Variants in GPHN observed in about 807,000 individuals in gnomAD.
GPHN encodes the protein gephyrin.
GPHN carries 17 observed loss-of-function variants against 95.5 expected under a neutral mutation model. That is an observed-to-expected ratio of 0.18 (90% confidence interval 0.12 to 0.27). GPHN has a LOEUF of 0.27. Among genes scored for constraint, GPHN ranks in the 10% least tolerant of loss-of-function variants. The pLI is 1.00. For synonymous variants in GPHN, 320 were observed against 322.5 expected (o/e 0.99, Z 0.08); for missense variants, 660 against 978.1 (o/e 0.67, Z 4.34).
At chr14:67,312,310 G>A in the GPHN span, 2 of 323,986 alleles carry the variant, frequency 6.2e-6, no homozygotes, top group Non-Finnish European at 5.5e-6. Context: ...AAGTGCAGTG[G>A]CTCACACCTA....
the GPHN span, among the ~76,000 whole-genome samples, chr14:67,245,306 T>G: frequency 6.6e-6 from 1 of 152,182 alleles, no homozygotes; most frequent in South Asian, 2.1e-4. Context: ...TACATTCCTG[T>G]CAGCACTTGG....
At chr14:67,006,619 T>C (rs1186656669) in intron 9 of GPHN, among the ~76,000 whole-genome samples, 1 of 152,174 alleles carries the variant, frequency 6.6e-6, no homozygotes, top group Non-Finnish European at 1.5e-5. Context: ...GGTGAACTTC[T>C]GTGTAATGCT....
At chr14:67,045,729 C>G (rs2074983640) in intron 10 of GPHN, among the ~76,000 whole-genome samples, 1 of 151,640 alleles carries the variant, frequency 6.6e-6, no homozygotes, top group Non-Finnish European at 1.5e-5. Flanking sequence ...CTGTCTGTCT[C>G]TCTCTCTCTG....
At chr14:67,483,492 G>A in the GPHN span, among the ~76,000 whole-genome samples, 1 of 152,210 alleles carries the variant, frequency 6.6e-6, no homozygotes, top group Admixed American at 6.5e-5. Context: ...TATGTGGAGA[G>A]ACAACAGGAA....
the GPHN span, among the ~76,000 whole-genome samples, chr14:67,568,323 C>G: frequency 6.6e-6 from 1 of 151,682 alleles, no homozygotes; most frequent in Admixed American, 6.6e-5. Flanking sequence ...AAGCCATTAT[C>G]TTCAGCAAAC....
At chr14:67,278,702 C>T in the GPHN span, among the ~76,000 whole-genome samples, 1 of 152,184 alleles carries the variant, frequency 6.6e-6, no homozygotes, top group Non-Finnish European at 1.5e-5. Context: ...AAGCAAGCAA[C>T]GTGTTCTCTA....
chr14:67,585,758 C>T, the GPHN span: 23 of 1,007,630 alleles, frequency 2.3e-5, no homozygotes, highest in Non-Finnish European at 3.1e-5. Context: ...CCATGGCTGC[C>T]CTACCCCCAC....
At chr14:67,435,658 AT>A in the GPHN span, among the ~76,000 whole-genome samples, 1 of 152,234 alleles carries the variant, frequency 6.6e-6, no homozygotes. Flanking sequence ...CCTACAAAGA[AT>A]CTCCAGAACG....
At chr14:66,709,333 A>G (rs907130244) in intron 2 of GPHN, 2 of 455,904 alleles carry the variant, frequency 4.4e-6, no homozygotes, top group South Asian at 1.5e-5. Flanking sequence ...TTAAGCCTGT[A>G]CTGTAGTCCC....
intron 17 of GPHN, among the ~76,000 whole-genome samples, chr14:67,137,139 G>C (rs2080128319): frequency 6.6e-6 from 1 of 151,034 alleles, no homozygotes; most frequent in South Asian, 2.1e-4. Flanking sequence ...CTGGGTGACA[G>C]AGCAAGAATC....
chr14:67,256,101 T>TG, the GPHN span, among the ~76,000 whole-genome samples: 22 of 152,182 alleles, frequency 1.4e-4, no homozygotes, highest in East Asian at 1.3e-3. Context: ...CATACTTTTT[T>TG]TGTGTGAATA....
chr14:67,271,100 A>G, the GPHN span: 1 of 152,240 alleles, frequency 6.6e-6, no homozygotes, highest in African/African-American at 2.4e-5. Context: ...AGAAGTTCTG[A>G]ACAGAGGAGT....
intron 13 of GPHN, among the ~76,000 whole-genome samples, chr14:67,102,847 T>C (rs982037920): frequency 4.6e-5 from 7 of 152,158 alleles, no homozygotes; most frequent in African/African-American, 1.7e-4. Context: ...GACACTAGCT[T>C]CTTCATTTTA....
chr14:67,651,389 T>C, the GPHN span: 13 of 1,613,668 alleles, frequency 8.1e-6, no homozygotes, highest in Middle Eastern at 1.6e-4. Context: ...AGAAGTTCAA[T>C]GGCTGCGAAA....
At chr14:66,616,605 C>G (rs987773135) in intron 1 of GPHN, among the ~76,000 whole-genome samples, 1 of 152,134 alleles carries the variant, frequency 6.6e-6, no homozygotes, top group Non-Finnish European at 1.5e-5. Context: ...TCTGGGATCT[C>G]TGACCTTGAG....
the GPHN span, among the ~76,000 whole-genome samples, chr14:67,496,797 T>TCTTG: frequency 0.87 from 123,390 of 142,638 alleles, 54,181 homozygotes; most frequent in South Asian, 0.93. Context: ...TGTCTTTCTT[T>TCTTG]CTTGCTTGCT....
the GPHN span, among the ~76,000 whole-genome samples, chr14:67,378,318 T>C: frequency 2.7e-5 from 4 of 149,226 alleles, no homozygotes; most frequent in Middle Eastern, 3.4e-3. Context: ...ATGTGACTTT[T>C]TTTTTTTTTT....
chr14:66,576,484 C>CTTT (rs5809319), intron 1 of GPHN, among the ~76,000 whole-genome samples: 12 of 149,422 alleles, frequency 8.0e-5, no homozygotes, highest in African/African-American at 2.9e-4. Context: ...CCTCTCTGTA[C>CTTT]TTTTTTTTTT....
At chr14:67,587,696 C>A in the GPHN span, 2 of 170,672 alleles carry the variant, frequency 1.2e-5, no homozygotes, top group Non-Finnish European at 2.5e-5. Context: ...TACAGGTGTG[C>A]GCCACCATGC....
Sources: allele counts gnomAD v4.1 joint callset (sites outside exome capture counted in the v4.1 genomes callset), GRCh38; gene constraint gnomAD v4.1.1; transcripts MANE v1.5; gene names NCBI Gene and HGNC (gene_info 2026-07-23, HGNC 2026-07-21).